CNTNAP4: variants seen among roughly 807,000 people sequenced by gnomAD.
CNTNAP4 encodes contactin associated protein family member 4.
A neutral mutation model predicts 148.4 loss-of-function variants in CNTNAP4; 98 were observed. That is an observed-to-expected ratio of 0.66 (90% CI 0.56 to 0.78). The LOEUF is 0.78. Ranked by LOEUF, CNTNAP4 falls within the 30% of genes least tolerant of loss-of-function variation. CNTNAP4 has a pLI of 0.00. For missense variants in CNTNAP4, 1,935 were observed against 1,565.6 expected, an observed-to-expected ratio of 1.24 and a Z score of -3.98; for synonymous variants, 730 against 565.1, an observed-to-expected ratio of 1.29 and a Z score of -4.14.
intron 1 of CNTNAP4, among the ~76,000 whole-genome samples, chr16:76,311,479 A>G (rs9923380): frequency 0.28 from 41,839 of 152,024 alleles, 6,471 homozygotes; most frequent in Non-Finnish European, 0.35. Flanking sequence ...ATTTTTTTCT[A>G]ATGTGGATAT....
At chr16:76,457,628 G>T (rs193047965) in intron 8 of CNTNAP4, among the ~76,000 whole-genome samples, 5 of 152,162 alleles carry the variant, frequency 3.3e-5, no homozygotes, top group Admixed American at 1.3e-4. Context: ...TCAAAGTATG[G>T]GTCCTGGACC....
At position 76,375,740 on chromosome 16, in the gene CNTNAP4, A is replaced by G. The variant is rs74026755; in HGVS notation, c.390+20229A>G. Among the ~76,000 whole-genome samples, 1,032 of 152,286 alleles carry G rather than the reference A, an allele frequency of 6.8e-3. 10 individuals are homozygous for G. The highest frequency in any genetic ancestry group is 0.024 in the African/African-American group (978 of 41,554). ...TCTCATTTTCTGCAGGGAAGTTTAC[A>G]TTGGCTATATGGAAATAGTGAGCCT... is the stretch of plus-strand genomic sequence containing the variant. On this transcript the variant is annotated intron_variant, in intron 3 of 23. Transcript: ENST00000611870.
intron 21 of CNTNAP4, among the ~76,000 whole-genome samples, chr16:76,549,843 G>A (rs1202706001): frequency 6.6e-6 from 1 of 152,132 alleles, no homozygotes. Context: ...GAGACCTAAT[G>A]TGAAAAATTG....
chr16:76,535,869 G>A, intron 18 of CNTNAP4, 85 bp downstream of exon 18: 3 of 1,436,314 alleles, frequency 2.1e-6, no homozygotes, highest in Admixed American at 4.8e-5. Flanking sequence ...GCAGCTATTT[G>A]AAACAAAAAA....
At chr16:76,504,188 A>G (rs892738157) in intron 15 of CNTNAP4, among the ~76,000 whole-genome samples, 2 of 152,128 alleles carry the variant, frequency 1.3e-5, no homozygotes, top group Non-Finnish European at 2.9e-5. Context: ...CTACTAGATT[A>G]TAAGACTTAC....
At chr16:76,557,889 C>T (rs918386246) in intron 23 of CNTNAP4, 9 of 152,156 alleles carry the variant, frequency 5.9e-5, no homozygotes, top group African/African-American at 1.9e-4. Flanking sequence ...ATAATGCCAG[C>T]GTTGGTAACC....
chr16:76,335,738 T>A (rs1365019267), intron 2 of CNTNAP4, among the ~76,000 whole-genome samples: 1 of 152,250 alleles, frequency 6.6e-6, no homozygotes, highest in South Asian at 2.1e-4. Flanking sequence ...GATTGCCATG[T>A]GACAAGAACC....
At chr16:76,403,033 A>T (rs927065936) in intron 3 of CNTNAP4, among the ~76,000 whole-genome samples, 1 of 152,204 alleles carries the variant, frequency 6.6e-6, no homozygotes, top group Non-Finnish European at 1.5e-5. Context: ...GGGTGAAGAA[A>T]AAAACAACTC....
At chr16:76,309,765 C>T in intron 1 of CNTNAP4, 2 of 682,280 alleles carry the variant, frequency 2.9e-6, no homozygotes, top group Non-Finnish European at 5.4e-6. Context: ...AGGGGGTGGT[C>T]CGGGCTTTCC....
chr16:76,310,136 C>T lies in CNTNAP4; in HGVS notation c.86-6277C>T, dbSNP rs1960942324. ...TTTTTGCATGCAGACTGGCCATTTG[C>T]CATTTGTGTATTCAGTCTCTCGTTG... On this transcript the variant is annotated intron_variant, in intron 1 of 23. Transcript: ENST00000611870. Among the ~76,000 whole-genome samples, 3 of 152,002 alleles carry T rather than the reference C, an allele frequency of 2.0e-5. No individual in the cohort carries two copies. The South Asian group carries it at 6.3e-4, about 32-fold the overall frequency.
intron 1 of CNTNAP4, among the ~76,000 whole-genome samples, chr16:76,305,490 T>A (rs1960387955): frequency 6.6e-6 from 1 of 152,144 alleles, no homozygotes; most frequent in African/African-American, 2.4e-5. Context: ...TTATTTTCAT[T>A]GCCCGTTTTT....
At chr16:76,480,407 A>G (rs938432301) in intron 12 of CNTNAP4, among the ~76,000 whole-genome samples, 5 of 152,348 alleles carry the variant, frequency 3.3e-5, no homozygotes, top group African/African-American at 1.2e-4. Context: ...AGGTTTCTAC[A>G]CCGATAATTA....
intron 4 of CNTNAP4, among the ~76,000 whole-genome samples, chr16:76,444,905 C>T (rs948572229): frequency 6.6e-6 from 1 of 152,020 alleles, no homozygotes; most frequent in East Asian, 1.9e-4. Context: ...ATCTGTGATG[C>T]GACTGTAGCC....
intron 15 of CNTNAP4, among the ~76,000 whole-genome samples, chr16:76,519,953 T>C (rs545701548): frequency 6.6e-6 from 1 of 152,330 alleles, no homozygotes; most frequent in African/African-American, 2.4e-5. Flanking sequence ...GTCAAGTTTG[T>C]GATTTTTAAC....
intron 1 of CNTNAP4, among the ~76,000 whole-genome samples, chr16:76,307,528 ATATATATATAT>A (rs1960617595): frequency 7.7e-6 from 1 of 130,008 alleles, no homozygotes; most frequent in South Asian, 2.4e-4. Flanking sequence ...ATATATATAT[ATATATATATAT>A]ACCAAACTCC....
intron 3 of CNTNAP4, among the ~76,000 whole-genome samples, chr16:76,388,005 G>A (rs957544271): frequency 3.3e-5 from 5 of 152,112 alleles, no homozygotes; most frequent in African/African-American, 1.2e-4. Flanking sequence ...GTAAATATTT[G>A]TCATTAACGG....
chr16:76,373,601 G>T (rs1007732767), intron 3 of CNTNAP4, among the ~76,000 whole-genome samples: 2 of 152,044 alleles, frequency 1.3e-5, no homozygotes, highest in African/African-American at 4.8e-5. Context: ...TATGAAAGGA[G>T]GAAACTGGAC....
At chr16:76,353,206 C>A (rs1379282746) in intron 2 of CNTNAP4, among the ~76,000 whole-genome samples, 2 of 152,006 alleles carry the variant, frequency 1.3e-5, no homozygotes, top group Non-Finnish European at 2.9e-5. Flanking sequence ...CAGTTTTGAA[C>A]AATGATTCAC....
Position 76,391,489 on chromosome 16 carries a change from C to T in CNTNAP4, c.391-35963C>T, listed in dbSNP as rs576687371. ...ATATCCTGTTATGCAAAACTTTGTG[C>T]TTGGCCTAGTAAATAAAGATCTGGC... On this transcript the variant is annotated intron_variant, in intron 3 of 23. Transcript: ENST00000611870. Among the ~76,000 whole-genome samples, 14 of 152,256 alleles carry T rather than the reference C, an allele frequency of 9.2e-5. 1 individual carries two copies. Among genetic ancestry groups the T allele is most frequent in the Admixed American group, 7.2e-4 (11 of 15,296 alleles).
Sources: gnomAD v4.1 joint callset for allele counts (sites outside exome capture counted in the v4.1 genomes callset) on GRCh38, gnomAD v4.1.1 for gene constraint, MANE v1.5 for transcripts, NCBI Gene and HGNC (gene_info 2026-07-23, HGNC 2026-07-21) for gene names.